The following PTK2B variants were observed in gnomAD, a reference collection of about 807,000 sequenced individuals.
PTK2B encodes the protein protein tyrosine kinase 2 beta.
In PTK2B, 71 loss-of-function variants were observed where a neutral mutation model predicts 142.9. The ratio of observed to expected loss-of-function variants is 0.50; its 90% CI spans 0.41 to 0.61. The LOEUF is 0.61. Ranked by LOEUF, PTK2B falls within the 20% of genes least tolerant of loss-of-function variation. The pLI, the probability that PTK2B is intolerant of heterozygous loss-of-function variation, is 0.00. For missense variants in PTK2B, 1,105 were observed against 1,320.4 expected, an observed-to-expected ratio of 0.84 and a Z score of 2.53; for synonymous variants, 519 against 503.4, an observed-to-expected ratio of 1.03 and a Z score of -0.42.
intron 2 of PTK2B, among the ~76,000 whole-genome samples, chr8:27,398,782 A>G (rs756643175): frequency 5.3e-5 from 8 of 152,208 alleles, no homozygotes; most frequent in Non-Finnish European, 1.2e-4. Flanking sequence ...CCTAAACTCC[A>G]TGAATGTTTC....
chr8:27,444,058 T>C (rs1811319840), intron 22 of PTK2B, 148 bp from the exon 23 acceptor site: 2 of 792,558 alleles, frequency 2.5e-6, no homozygotes, highest in South Asian at 3.4e-5. Context: ...AATAAATGGA[T>C]GCAAAATGAG....
At chr8:27,354,933 G>T (rs895792856) in intron 1 of PTK2B, among the ~76,000 whole-genome samples, 1 of 152,120 alleles carries the variant, frequency 6.6e-6, no homozygotes, top group Non-Finnish European at 1.5e-5. Flanking sequence ...TACTGCTTAT[G>T]TCTAGAGCTG....
chr8:27,439,551 G>A (rs916428998), intron 20 of PTK2B, among the ~76,000 whole-genome samples, 153 bp downstream of exon 20: 2 of 152,092 alleles, frequency 1.3e-5, no homozygotes, highest in African/African-American at 4.8e-5. Context: ...TCAGAGGTGG[G>A]GAGGCCAGTA....
At chr8:27,383,265 G>A (rs974818535) in intron 1 of PTK2B, among the ~76,000 whole-genome samples, 9 of 151,822 alleles carry the variant, frequency 5.9e-5, no homozygotes, top group African/African-American at 1.5e-4. Context: ...AACACACGCC[G>A]AGATGGAGTC....
At position 27,427,784 on chromosome 8, in the gene PTK2B, AGAG is replaced by A. The variant is rs1461092320; in HGVS notation, c.552-2299_552-2297del. Among the ~76,000 whole-genome samples the A allele has an allele frequency of 5.9e-5, 9 of 152,170 alleles. No individual in the cohort carries two copies. The South Asian group carries it at 1.7e-3, about 28-fold the overall frequency. On this transcript the variant is annotated intron_variant, in intron 5 of 30. Coordinates refer to ENST00000346049, the MANE Select transcript of PTK2B (RefSeq NM_173176.3). ...AGGCACTCTTCAGGTGGGAGGAGGA[AGAG>A]GAGGAGGAGCTTCCATCCAGGGGAG...
chr8:27,450,667 A>G (rs1811745869), intron 24 of PTK2B, 82 bp from the exon 25 acceptor site: 3 of 1,541,540 alleles, frequency 1.9e-6, no homozygotes, highest in Non-Finnish European at 2.7e-6. Flanking sequence ...AGCTGCCATG[A>G]GGTTCTTCAG....
intron 1 of PTK2B, among the ~76,000 whole-genome samples, chr8:27,381,060 A>C (rs1041298362): frequency 3.3e-5 from 5 of 152,136 alleles, no homozygotes. Context: ...TAATTTTTTA[A>C]ATTTATGCAT....
upstream of PTK2B, chr8:27,322,873 AGC>A (rs1338900592): frequency 7.1e-6 from 1 of 140,442 alleles, no homozygotes; most frequent in Non-Finnish European, 1.5e-5. Flanking sequence ...AGGACTCATC[AGC>A]GCGTGCCGCC....
rs973987766 is a variant in PTK2B at position 27,409,177 on chromosome 8, G to A, written c.205-10718G>A. 3.9e-5 allele frequency among the ~76,000 whole-genome samples: 6 copies of A among 152,148 alleles called. No individual in the cohort carries two copies. In the South Asian group the frequency reaches 6.2e-4, roughly 16 times the overall value. On this transcript the variant is annotated intron_variant, in intron 2 of 30. Coordinates refer to ENST00000346049, the MANE Select transcript of PTK2B (RefSeq NM_173176.3). ...CTGTAAACACTCTATAAAGTCCTGCGCTAAGGCACTAGAGGTTAAGATTTC... is the reference window on the plus strand; with the variant it reads ...CTGTAAACACTCTATAAAGTCCTGCACTAAGGCACTAGAGGTTAAGATTTC...
intron 2 of PTK2B, among the ~76,000 whole-genome samples, chr8:27,402,170 A>G (rs1808422914): frequency 6.6e-6 from 1 of 152,090 alleles, no homozygotes; most frequent in Non-Finnish European, 1.5e-5. Context: ...ATCAATGGAG[A>G]GAAGTGATTA....
intron 1 of PTK2B, among the ~76,000 whole-genome samples, chr8:27,388,663 C>A (rs912893953): frequency 6.6e-6 from 1 of 152,202 alleles, no homozygotes; most frequent in Non-Finnish European, 1.5e-5. Context: ...TCCCCAACTC[C>A]CCTTTCAGTG....
chr8:27,340,313 G>A (rs533720629), intron 1 of PTK2B, among the ~76,000 whole-genome samples: 1 of 152,372 alleles, frequency 6.6e-6, no homozygotes, highest in East Asian at 1.9e-4. Context: ...GTGGTGCTGG[G>A]AAGGATTTTG....
In PTK2B at chr8:27,439,343, C is replaced by T; in HGVS notation, c.1779C>T (p.Ser593=). ...SVTRLPIKWM[S]PESINFRRFT... ...CTCGTCTCCCCATCAAATGGATGTC[C>T]CCAGAGTCCATTAACTTCCGACGCT... The change falls in exon 20 of 31, where the codon TCC becomes TCT. Residue 593 remains serine, a synonymous_variant. Coordinates refer to ENST00000346049, the MANE Select transcript of PTK2B (RefSeq NM_173176.3). 6.2e-7 allele frequency: 1 copy of T among 1,614,122 alleles called. No homozygotes were observed. Among genetic ancestry groups the T allele is most frequent in the Non-Finnish European group, 8.5e-7 (1 of 1,179,978 alleles).
In PTK2B at chr8:27,442,968, G is replaced by A. The variant is rs772677000; in HGVS notation, c.2133G>A (p.Gln711=). Residue 711 remains glutamine (Q), a synonymous_variant, in exon 22 of 31, where the codon CAG becomes CAA. Coordinates refer to ENST00000346049, the MANE Select transcript of PTK2B (RefSeq NM_173176.3). ...TPKILEPTAF[Q]EPPPKPSRPK... is the part of the protein sequence containing the mutation. The stretch of plus-strand genomic sequence containing the variant: ...AAATCTTGGAGCCCACAGCCTTCCA[G>A]GAACCCCCACCCAAGGTAAGCCAAG... The A allele has an allele frequency of 6.8e-6, 11 of 1,613,786 alleles. No individual in the cohort carries two copies. The East Asian group carries it at 2.2e-4, about 33-fold the overall frequency.
chr8:27,388,492 A>AGT (rs1283412152), intron 1 of PTK2B, among the ~76,000 whole-genome samples: 2 of 152,198 alleles, frequency 1.3e-5, no homozygotes, highest in African/African-American at 4.8e-5. Flanking sequence ...GTTGTCTTGA[A>AGT]GTACTGGGTG....
At chr8:27,397,315 C>G in intron 1 of PTK2B, 1 of 496,350 alleles carries the variant, frequency 2.0e-6, no homozygotes. Context: ...GAGCTCATAC[C>G]CCTGGGAGCC....
chr8:27,388,138 A>G (rs1321058268), intron 1 of PTK2B, among the ~76,000 whole-genome samples: 1 of 152,240 alleles, frequency 6.6e-6, no homozygotes, highest in Non-Finnish European at 1.5e-5. Context: ...ACCTGCTATC[A>G]TCTGACCTCC....
chr8:27,342,923 C>T (rs1352775649), intron 1 of PTK2B, among the ~76,000 whole-genome samples: 1 of 152,174 alleles, frequency 6.6e-6, no homozygotes, highest in Non-Finnish European at 1.5e-5. Context: ...GACCTGTTTA[C>T]ATTGGCCCTT....
intron 3 of PTK2B, among the ~76,000 whole-genome samples, chr8:27,318,128 C>A (rs1451092969): frequency 6.6e-6 from 1 of 152,170 alleles, no homozygotes; most frequent in Non-Finnish European, 1.5e-5. Context: ...GGTTATTTGT[C>A]TCTGTCCTGT....
Sources: gnomAD v4.1 joint callset for allele counts (sites outside exome capture counted in the v4.1 genomes callset) on GRCh38, gnomAD v4.1.1 for gene constraint, MANE v1.5 for transcripts, NCBI Gene and HGNC (gene_info 2026-07-23, HGNC 2026-07-21) for gene names.